The following STIP1 variants were observed in gnomAD, a reference collection of about 807,000 sequenced individuals.
STIP1 encodes the protein stress induced phosphoprotein 1.
A neutral mutation model predicts 77.4 loss-of-function variants in STIP1; 16 were observed. That is an observed-to-expected ratio of 0.21 (90% CI 0.14 to 0.31). The LOEUF is 0.31. Among genes scored for constraint, STIP1 ranks in the 10% least tolerant of loss-of-function variants. The probability of loss-of-function intolerance (pLI) is 1.00; values close to 1 mark genes in which losing one functional copy is unlikely to be tolerated. For synonymous variants in STIP1, 258 were observed against 246.6 expected (o/e 1.05, Z -0.44); for missense variants, 524 against 684.8 (o/e 0.77, Z 2.62).
At chr11:64,200,534 T>G (rs554393008) in intron 10 of STIP1, among the ~76,000 whole-genome samples, 19 of 150,992 alleles carry the variant, frequency 1.3e-4, no homozygotes, top group Non-Finnish European at 2.5e-4. Flanking sequence ...TTTATAGGGG[T>G]GTGTGTGTGT....
intron 5 of STIP1, 108 bp from the exon 6 acceptor site, chr11:64,197,163 A>G (rs1591011149): frequency 6.9e-7 from 1 of 1,456,876 alleles, no homozygotes; most frequent in East Asian, 2.3e-5. Flanking sequence ...AGAACTTGAT[A>G]GAATTCTATT....
chr11:64,194,722 T>C (rs1946129409), intron 4 of STIP1, 102 bp downstream of exon 4: 1 of 1,453,582 alleles, frequency 6.9e-7, no homozygotes, highest in Non-Finnish European at 9.2e-7. Context: ...CTGCAGAGTT[T>C]TTGCCTTTGC....
intron 5 of STIP1, among the ~76,000 whole-genome samples, chr11:64,196,215 G>T (rs1946148431): frequency 6.6e-6 from 1 of 151,814 alleles, no homozygotes; most frequent in Admixed American, 6.6e-5. Flanking sequence ...GGCCAACATG[G>T]TGAAACCTCA....
In STIP1 at chr11:64,202,930, G is replaced by A. The variant is rs369513640; in HGVS notation, c.1282+18G>A. 6.2e-7 allele frequency: 1 copy of A among 1,614,188 alleles called. No homozygotes were observed. ...GACCTTCAGTAAGTGCCTTTCTGCT[G>A]CCTGTCCCCTGTCTCTAGCCAAAAG... On this transcript the variant is annotated intron_variant, in intron 11 of 13. Coordinates refer to ENST00000305218, the MANE Select transcript of STIP1 (RefSeq NM_006819.3).
At chr11:64,193,404 T>G in intron 2 of STIP1, 117 bp downstream of exon 2, 2 of 863,946 alleles carry the variant, frequency 2.3e-6, no homozygotes, top group South Asian at 1.6e-5. Flanking sequence ...CCTCCCTGTT[T>G]GAGTATCCTC....
chr11:64,203,020 A>T (rs1193532931), intron 11 of STIP1, 105 bp from the exon 12 acceptor site: 1 of 1,595,352 alleles, frequency 6.3e-7, no homozygotes, highest in Non-Finnish European at 8.6e-7. Context: ...AGGATTTAGG[A>T]TCCAACATCA....
chr11:64,198,093 C>CT, intron 8 of STIP1, 119 bp downstream of exon 8: 1 of 1,370,552 alleles, frequency 7.3e-7, no homozygotes, highest in Admixed American at 2.6e-5. Flanking sequence ...GGGTCTCACT[C>CT]TTTCACCCAG....
intron 5 of STIP1, 37 bp downstream of exon 5, chr11:64,195,850 T>C: frequency 6.2e-7 from 1 of 1,612,820 alleles, no homozygotes; most frequent in Non-Finnish European, 8.5e-7. Flanking sequence ...CACCTATCTA[T>C]AAACAACTAG....
chr11:64,203,335 TTC>T (rs1375385015), intron 12 of STIP1, 107 bp downstream of exon 12: 1 of 1,578,234 alleles, frequency 6.3e-7, no homozygotes, highest in Admixed American at 1.7e-5. Context: ...TTCTCTCTGT[TTC>T]TCTCTTACTT....
chr11:64,197,695 C>A, intron 7 of STIP1, 100 bp downstream of exon 7: 1 of 1,560,738 alleles, frequency 6.4e-7, no homozygotes, highest in Non-Finnish European at 8.8e-7. Context: ...GCCATAGAAT[C>A]TGCTGTGTTA....
chr11:64,196,471 G>A (rs1946151797), intron 5 of STIP1, among the ~76,000 whole-genome samples: 1 of 151,458 alleles, frequency 6.6e-6, no homozygotes, highest in South Asian at 2.1e-4. Flanking sequence ...TGCGGGAGTT[G>A]CCCTTCCCGT....
chr11:64,196,986 A>C (rs1197297034), intron 5 of STIP1: 3 of 371,894 alleles, frequency 8.1e-6, no homozygotes, highest in Non-Finnish European at 1.5e-5. Context: ...GGTTGCTTCA[A>C]GTCGAAGGGA....
intron 5 of STIP1, 52 bp downstream of exon 5, chr11:64,195,865 C>G (rs1198511289): frequency 6.2e-7 from 1 of 1,609,180 alleles, no homozygotes; most frequent in African/African-American, 1.3e-5. Context: ...AACTAGAAAT[C>G]TTTATGTTGA....
intron 1 of STIP1, among the ~76,000 whole-genome samples, chr11:64,192,303 G>A (rs1946101873): frequency 1.3e-5 from 2 of 152,146 alleles, no homozygotes; most frequent in African/African-American, 4.8e-5. Flanking sequence ...GACAGAGTGA[G>A]ACTCTGTCTC....
rs116712330 is a variant in STIP1 at position 64,194,635 on chromosome 11, C to T, written c.503+15C>T. 476 of 1,609,756 alleles carry T rather than the reference C, an allele frequency of 3.0e-4. 1 individual carries two copies. In the African/African-American group the frequency reaches 5.9e-3, roughly 20 times the overall value. On this transcript the variant is annotated intron_variant, in intron 4 of 13. Coordinates refer to ENST00000305218, the MANE Select transcript of STIP1 (RefSeq NM_006819.3). ...GACCTGGGCACGTAAGTGGACGCCG[C>T]TCACTGAGGTTCTGGAAATCGGGGA...
upstream of STIP1, chr11:64,185,963 A>T: frequency 6.5e-7 from 1 of 1,538,406 alleles, no homozygotes; most frequent in Non-Finnish European, 8.7e-7. Context: ...CCATTCGTGG[A>T]GCCTGAGATG....
chr11:64,190,340 AT>A (rs1021767671), intron 1 of STIP1, among the ~76,000 whole-genome samples: 1 of 151,736 alleles, frequency 6.6e-6, no homozygotes, highest in African/African-American at 2.4e-5. Flanking sequence ...CGCCCGGCTA[AT>A]TTTTTTTGTA....
intron 5 of STIP1, 198 bp downstream of exon 5, chr11:64,196,011 C>T (rs916509514): frequency 4.3e-6 from 3 of 700,382 alleles, no homozygotes; most frequent in East Asian, 2.7e-5. Flanking sequence ...ATTACAGTCA[C>T]GAGCCACTGT....
At chr11:64,203,093 G>GT in intron 11 of STIP1, 32 bp from the exon 12 acceptor site, 17 of 1,613,072 alleles carry the variant, frequency 1.1e-5, no homozygotes, top group Non-Finnish European at 1.4e-5. Flanking sequence ...GGGCGCTGCG[G>GT]TTGGATAACG....
Sources: gnomAD v4.1 joint callset for allele counts (sites outside exome capture counted in the v4.1 genomes callset) on GRCh38, gnomAD v4.1.1 for gene constraint, MANE v1.5 for transcripts, NCBI Gene and HGNC (gene_info 2026-07-23, HGNC 2026-07-21) for gene names.